NPRL3: variants seen among roughly 807,000 people sequenced by gnomAD.
NPRL3 encodes the protein NPR3 like, GATOR1 complex subunit.
Under a neutral mutation model 57.2 loss-of-function variants are expected in NPRL3, and 23 were observed. The ratio of observed to expected loss-of-function variants is 0.40; its 90% CI spans 0.29 to 0.57. NPRL3 has a LOEUF of 0.57. NPRL3 is among the 20% of genes least tolerant of loss of function. The pLI is 0.42. For missense variants in NPRL3, 691 were observed against 767.1 expected (o/e 0.90, Z 1.17); for synonymous variants, 333 against 321.1 (o/e 1.04, Z -0.39).
In NPRL3 at chr16:138,312, AC is replaced by A. The variant is rs1901220827; in HGVS notation, c.-46del. The A allele has an allele frequency of 5.5e-6, 5 of 907,872 alleles. No homozygotes were observed. The highest frequency in any genetic ancestry group is 3.1e-5 in the African/African-American group (1 of 32,150). 56.2% of individuals were successfully genotyped at this position (907,872 alleles called of 1,614,324 possible). ...CGGGGGCGGAGGGGGCCAGAGGAGG[AC>A]GGAGCCGGAGGCGGAGGGGGCCTGA... On this transcript the variant is annotated 5_prime_UTR_variant, in exon 2 of 14. Transcript: ENST00000611875.
chr16:94,524 G>C (rs143185537), intron 9 of NPRL3, among the ~76,000 whole-genome samples: 2 of 152,354 alleles, frequency 1.3e-5, no homozygotes, highest in African/African-American at 4.8e-5. Context: ...CAAGGCAGGA[G>C]GATCGCCTGA....
chr16:89,315 GGGGACCT>G (rs1442844989), intron 12 of NPRL3: 13 of 265,426 alleles, frequency 4.9e-5, no homozygotes, highest in Non-Finnish European at 7.2e-5. Context: ...CCTGGGGACC[GGGGACCT>G]GGGACCTGGC....
chr16:126,270 A>AT (rs36009348), intron 3 of NPRL3: 6 of 148,440 alleles, frequency 4.0e-5, no homozygotes, highest in Non-Finnish European at 7.4e-5. Flanking sequence ...AAAAAAAAAA[A>AT]TTAGGCCGGG....
intron 5 of NPRL3, among the ~76,000 whole-genome samples, chr16:113,487 G>C (rs368842489): frequency 5.6e-4 from 86 of 152,304 alleles, no homozygotes; most frequent in South Asian, 1.5e-3. Flanking sequence ...AGGAACAAGA[G>C]GGGCCCTCGA....
At chr16:113,311 G>A (rs2141951235) in intron 5 of NPRL3, among the ~76,000 whole-genome samples, 1 of 152,282 alleles carries the variant, frequency 6.6e-6, no homozygotes, top group South Asian at 2.1e-4. Flanking sequence ...GAGGCACCAG[G>A]CCAATTGTTC....
chr16:128,728 A>C (rs1162614801), intron 3 of NPRL3, among the ~76,000 whole-genome samples: 3 of 152,184 alleles, frequency 2.0e-5, no homozygotes. Context: ...AGATCGCGCC[A>C]CTGCACTCCA....
chr16:127,877 G>C (rs759989811), intron 3 of NPRL3, among the ~76,000 whole-genome samples: 1 of 151,530 alleles, frequency 6.6e-6, no homozygotes, highest in Admixed American at 6.6e-5. Context: ...GATGAGTCTC[G>C]ATCTCCTGAC....
intron 3 of NPRL3, among the ~76,000 whole-genome samples, chr16:126,682 T>C (rs565847039): frequency 3.3e-4 from 50 of 152,162 alleles, no homozygotes; most frequent in African/African-American, 1.2e-3. Flanking sequence ...CCCCTACCAG[T>C]GGTGGGGACA....
At chr16:130,706 G>A (rs868040054) in intron 2 of NPRL3, 115 bp from the exon 3 acceptor site, 4 of 917,606 alleles carry the variant, frequency 4.4e-6, no homozygotes, top group African/African-American at 3.3e-5. Flanking sequence ...TCCATACCAT[G>A]GAATATTACT....
In NPRL3 at chr16:103,296, ATTTTT is replaced by A. The variant is rs533871530; in HGVS notation, c.630-2792_630-2788del. Among the ~76,000 whole-genome samples, 26 of 42,122 alleles carry A rather than the reference ATTTTT, an allele frequency of 6.2e-4. 3 individuals carry two copies. The highest frequency in any genetic ancestry group is 1.6e-3 in the African/African-American group (15 of 9,540). 27.6% of individuals were successfully genotyped at this position (42,122 alleles called of 152,430 possible). ...GACGTGCAACATCACGCCTGGGGTG[ATTTTT>A]TTTTTTTTTTTTTTTTTTTTTTTTG... On this transcript the variant is annotated intron_variant, in intron 7 of 13. Transcript: ENST00000611875.
At chr16:130,404 A>G in intron 3 of NPRL3, 118 bp downstream of exon 3, 1 of 1,017,982 alleles carries the variant, frequency 9.8e-7, no homozygotes, top group Non-Finnish European at 1.4e-6. Flanking sequence ...CACTAAACGG[A>G]AAAAAACAAA....
chr16:95,253 T>C (rs544116875), intron 9 of NPRL3, among the ~76,000 whole-genome samples: 1 of 151,314 alleles, frequency 6.6e-6, no homozygotes, highest in South Asian at 2.1e-4. Context: ...GTGGGGGCCA[T>C]TATTCAGCCA....
rs1898445515 is a variant in NPRL3, at chr16:85,897, G to A, written c.*808C>T. The A allele has an allele frequency of 9.3e-6, 11 of 1,184,888 alleles. No homozygotes were observed. Among genetic ancestry groups the A allele is most frequent in the South Asian group, 2.7e-5 (1 of 37,116 alleles). 73.4% of individuals were successfully genotyped at this position (1,184,888 alleles called of 1,614,324 possible). A position where few individuals can be genotyped will look rare whatever the true frequency, so the allele number is the denominator to read the frequency against. ...GGTGATCAACCCATGTCTGGAGCTA[G>A]CTCTTCCTCCAGGACACGAGAGCTG... is the stretch of plus-strand genomic sequence containing the variant. On this transcript the variant is annotated 3_prime_UTR_variant, in exon 14 of 14. Transcript: ENST00000611875.
chr16:88,743 C>A lies in NPRL3; in HGVS notation c.1499G>T (p.Ser500Ile). The A allele has an allele frequency of 1.2e-6, 2 of 1,613,656 alleles. No homozygotes were observed. Among genetic ancestry groups the A allele is most frequent in the South Asian group, 1.1e-5 (1 of 90,992 alleles). Residue 500 changes from serine to isoleucine, a missense_variant, in exon 13 of 14, where the codon AGT becomes ATT. By Grantham distance (142) the Ser-to-Ile change is moderately radical. Coordinates refer to ENST00000611875, the MANE Select transcript of NPRL3 (RefSeq NM_001077350.3). ...LSEHERAAIL[S>I]VPAAQNPEDL... is the part of the protein sequence containing the mutation. ...CTCAGGGTTCTGGGCTGCGGGTACA[C>A]TGAGGATGGCTGCGCGTTCATGCTC... is the stretch of plus-strand genomic sequence containing the variant.
chr16:134,694 A>ATTATTATTATTTTTTTTTTT (rs1346965930), intron 2 of NPRL3, among the ~76,000 whole-genome samples: 1 of 103,424 alleles, frequency 9.7e-6, no homozygotes, highest in African/African-American at 3.4e-5. Context: ...AATTATTATT[A>ATTATTATTATTTTTTTTTTT]TTTTTTTTTT....
At chr16:109,700 C>T (rs1235735834) in intron 7 of NPRL3, among the ~76,000 whole-genome samples, 1 of 152,126 alleles carries the variant, frequency 6.6e-6, no homozygotes, top group East Asian at 1.9e-4. Flanking sequence ...ACCAGCAACA[C>T]ACGAGATGCC....
chr16:106,244 G>A (rs1293060043), intron 7 of NPRL3, among the ~76,000 whole-genome samples: 1 of 152,174 alleles, frequency 6.6e-6, no homozygotes, highest in African/African-American at 2.4e-5. Context: ...GGAGACGGAG[G>A]TTGCAGTGAA....
chr16:136,335 G>A (rs1343859773), intron 2 of NPRL3, among the ~76,000 whole-genome samples: 8 of 152,238 alleles, frequency 5.3e-5, no homozygotes, highest in Non-Finnish European at 1.2e-4. Context: ...GACATGAAGT[G>A]AAAACGAAAA....
rs540247722 is a variant in NPRL3, at chr16:119,088, G to T, written c.318+38C>A. On this transcript the variant is annotated intron_variant, in intron 4 of 13. Coordinates refer to ENST00000611875, the MANE Select transcript of NPRL3 (RefSeq NM_001077350.3). ...CACCTGCCCAAGGAGAGCCACATCT[G>T]CCCAGGGAGAGCCCCACCTGCCCAG... 3.7e-6 allele frequency: 6 copies of T among 1,608,308 alleles called. No homozygotes were observed. The South Asian group carries it at 6.6e-5, about 18-fold the overall frequency.
Sources: gnomAD v4.1 joint callset for allele counts (sites outside exome capture counted in the v4.1 genomes callset) on GRCh38, gnomAD v4.1.1 for gene constraint, MANE v1.5 for transcripts, NCBI Gene and HGNC (gene_info 2026-07-23, HGNC 2026-07-21) for gene names.